Variants in CHN2 observed in about 807,000 individuals in gnomAD.
The protein encoded by CHN2 is beta-chimaerin.
CHN2 carries 35 observed loss-of-function variants against 56.3 expected under a neutral mutation model. The observed-to-expected ratio is 0.62, with a 90% CI of 0.47 to 0.82. The LOEUF (loss-of-function observed/expected upper bound fraction) is 0.82, where lower values mean the gene tolerates loss of function less well. Among genes scored for constraint, CHN2 ranks in the 40% least tolerant of loss-of-function variants. The pLI is 0.00. For missense variants in CHN2, 491 were observed against 580.5 expected, an observed-to-expected ratio of 0.85 and a Z score of 1.58; for synonymous variants, 210 against 212.8, an observed-to-expected ratio of 0.99 and a Z score of 0.12.
At chr7:29,185,090 C>T (rs915103504) in intron 2 of CHN2, among the ~76,000 whole-genome samples, 1 of 152,160 alleles carries the variant, frequency 6.6e-6, no homozygotes, top group Non-Finnish European at 1.5e-5. Flanking sequence ...TATTTTTTCT[C>T]CAAACCAATT....
At chr7:29,220,680 T>G (rs1468993716) in intron 1 of CHN2, among the ~76,000 whole-genome samples, 5 of 152,310 alleles carry the variant, frequency 3.3e-5, no homozygotes, top group East Asian at 1.9e-4. Flanking sequence ...CTAAATTTAA[T>G]TTCAGACCAA....
intron 6 of CHN2, among the ~76,000 whole-genome samples, chr7:29,456,733 T>A (rs1223693710): frequency 1.3e-5 from 2 of 151,910 alleles, no homozygotes; most frequent in Non-Finnish European, 2.9e-5. Context: ...ATTCAGGTGA[T>A]CTGAGGACAC....
intron 1 of CHN2, among the ~76,000 whole-genome samples, chr7:29,333,165 C>T (rs1028564596): frequency 7.9e-5 from 12 of 152,220 alleles, no homozygotes; most frequent in African/African-American, 2.9e-4. Flanking sequence ...TGCTAGGTTC[C>T]CAGCAGAACA....
intron 1 of CHN2, among the ~76,000 whole-genome samples, chr7:29,302,556 GTC>G (rs1793778914): frequency 7.3e-6 from 1 of 137,848 alleles, no homozygotes; most frequent in Non-Finnish European, 1.5e-5. Flanking sequence ...ACCCAGGCTG[GTC>G]TCAAACTCTT....
At chr7:29,166,888 CT>C (rs1795993452) in intron 2 of CHN2, among the ~76,000 whole-genome samples, 1 of 151,850 alleles carries the variant, frequency 6.6e-6, no homozygotes, top group South Asian at 2.1e-4. Flanking sequence ...TATAATAGTT[CT>C]TTTAATGTCC....
chr7:29,295,286 G>A (rs957766795), intron 1 of CHN2, among the ~76,000 whole-genome samples: 1 of 148,366 alleles, frequency 6.7e-6, no homozygotes, highest in Non-Finnish European at 1.5e-5. Context: ...GATACGAAGG[G>A]CCGACTATAT....
chr7:29,290,004 T>TA (rs1189453346), intron 1 of CHN2, among the ~76,000 whole-genome samples: 1 of 152,250 alleles, frequency 6.6e-6, no homozygotes, highest in Non-Finnish European at 1.5e-5. Context: ...TTTGAAGGTT[T>TA]TAGTGTTGCT....
At chr7:29,358,032 A>G (rs191317512) in intron 2 of CHN2, among the ~76,000 whole-genome samples, 1 of 152,194 alleles carries the variant, frequency 6.6e-6, no homozygotes, top group Admixed American at 6.5e-5. Flanking sequence ...TTTCGGTACT[A>G]TCAATTCTCT....
Position 29,242,668 on chromosome 7 carries a change from T to A in CHN2, c.49+47678T>A, listed in dbSNP as rs115220097. 4.8e-3 allele frequency among the ~76,000 whole-genome samples: 699 copies of A among 146,830 alleles called. 2 individuals are homozygous for A. The highest frequency in any genetic ancestry group is 0.016 in the African/African-American group (647 of 39,742). On this transcript the variant is annotated intron_variant, in intron 1 of 12. Transcript: ENST00000222792. ...TTATTTACATTAATTAAGAGCAAAC[T>A]TAGATAAAGAAGGGTACAAGTTTAA...
At chr7:29,224,681 A>G (rs1371610320) in intron 1 of CHN2, among the ~76,000 whole-genome samples, 3 of 152,238 alleles carry the variant, frequency 2.0e-5, no homozygotes, top group African/African-American at 7.2e-5. Flanking sequence ...CAGCTAATCC[A>G]TATGGGGATA....
intron 7 of CHN2, among the ~76,000 whole-genome samples, chr7:29,487,812 C>T (rs1562651131): frequency 6.6e-6 from 1 of 152,128 alleles, no homozygotes; most frequent in African/African-American, 2.4e-5. Flanking sequence ...TGCTACTAAA[C>T]GTCCAGGACA....
At chr7:29,215,471 CTG>C (rs1380305068) in intron 1 of CHN2, among the ~76,000 whole-genome samples, 1 of 152,174 alleles carries the variant, frequency 6.6e-6, no homozygotes, top group Non-Finnish European at 1.5e-5. Flanking sequence ...GGAGCCAGAA[CTG>C]TAGTTGTAAC....
chr7:29,279,306 C>T (rs530966735), intron 1 of CHN2, among the ~76,000 whole-genome samples: 43 of 152,334 alleles, frequency 2.8e-4, no homozygotes, highest in Admixed American at 5.9e-4. Flanking sequence ...TCATCCCTCA[C>T]GCGGCAGCTG....
chr7:29,326,261 G>A (rs192365905), intron 1 of CHN2, among the ~76,000 whole-genome samples: 10 of 152,220 alleles, frequency 6.6e-5, no homozygotes, highest in African/African-American at 2.4e-4. Context: ...GGGTTAAAGC[G>A]ATTCTCCTGC....
At chr7:29,234,079 C>T (rs1018598749) in intron 1 of CHN2, among the ~76,000 whole-genome samples, 3 of 151,138 alleles carry the variant, frequency 2.0e-5, no homozygotes, top group South Asian at 2.1e-4. Flanking sequence ...GTGATCCGCC[C>T]GCCTCGGCCT....
intron 1 of CHN2, among the ~76,000 whole-genome samples, chr7:29,216,287 G>C (rs1381612212): frequency 6.6e-6 from 1 of 152,198 alleles, no homozygotes; most frequent in Non-Finnish European, 1.5e-5. Context: ...GAAATTGGTA[G>C]AGGCGCTTGG....
At chr7:29,411,353 T>C (rs1331713722) in intron 6 of CHN2, among the ~76,000 whole-genome samples, 2 of 152,224 alleles carry the variant, frequency 1.3e-5, no homozygotes, top group South Asian at 4.1e-4. Context: ...GGTATCACCC[T>C]CTTTGTTACC....
intron 1 of CHN2, among the ~76,000 whole-genome samples, chr7:29,343,488 C>T (rs1435127978): frequency 6.6e-6 from 1 of 152,166 alleles, no homozygotes; most frequent in Non-Finnish European, 1.5e-5. Context: ...TTGACCTTCA[C>T]ATCACTTGCC....
In CHN2 at chr7:29,472,297, ACG is replaced by A. The variant is rs1554298730; in HGVS notation, c.577-7980_577-7979del. On this transcript the variant is annotated intron_variant, in intron 6 of 12. Coordinates refer to ENST00000222792, the MANE Select transcript of CHN2 (RefSeq NM_004067.4). ...TACACACACACACACACACACACAC[ACG>A]CACACACACACATTAGACACAGAAA... Among the ~76,000 whole-genome samples the A allele has an allele frequency of 6.4e-3, 852 of 133,234 alleles. 15 individuals are homozygous for A. Among genetic ancestry groups the A allele is most frequent in the African/African-American group, 0.022 (810 of 36,428 alleles). The allele number at this position is 133,234 out of a possible 152,430, so 87.4% of individuals were successfully genotyped here.
Sources: gnomAD v4.1 joint callset for allele counts (sites outside exome capture counted in the v4.1 genomes callset) on GRCh38, gnomAD v4.1.1 for gene constraint, MANE v1.5 for transcripts, NCBI Gene and HGNC (gene_info 2026-07-23, HGNC 2026-07-21) for gene names.